SOX5: variants seen among roughly 807,000 people sequenced by gnomAD.
The protein encoded by SOX5 is transcription factor SOX-5.
In SOX5, 9 loss-of-function variants were observed where a neutral mutation model predicts 92.0. The ratio of observed to expected loss-of-function variants is 0.10; its 90% CI spans 0.06 to 0.17. SOX5 has a LOEUF of 0.17. Ranked by LOEUF, SOX5 falls within the 10% of genes least tolerant of loss-of-function variation. The probability of loss-of-function intolerance (pLI) is 1.00; values close to 1 mark genes in which losing one functional copy is unlikely to be tolerated. For synonymous variants in SOX5, 344 were observed against 336.3 expected (o/e 1.02, Z -0.25); for missense variants, 642 against 944.5 (o/e 0.68, Z 4.20).
chr12:24,079,942 CAGG>C (rs1263167173), intron 4 of SOX5, among the ~76,000 whole-genome samples: 1 of 151,866 alleles, frequency 6.6e-6, no homozygotes, highest in Non-Finnish European at 1.5e-5. Flanking sequence ...AATTATTCCA[CAGG>C]AGAACTAAAA....
chr12:23,645,049 C>T (rs1351194403), intron 7 of SOX5, among the ~76,000 whole-genome samples: 1 of 152,122 alleles, frequency 6.6e-6, no homozygotes, highest in Non-Finnish European at 1.5e-5. Flanking sequence ...CAGAATTCTG[C>T]TAGCTGCTCT....
intron 4 of SOX5, among the ~76,000 whole-genome samples, chr12:24,118,498 C>A (rs748694323): frequency 6.6e-6 from 1 of 151,644 alleles, no homozygotes; most frequent in Non-Finnish European, 1.5e-5. Context: ...CAATCATAGA[C>A]GAGAAACTAC....
chr12:24,107,735 G>T (rs562991503), intron 4 of SOX5, among the ~76,000 whole-genome samples: 4 of 152,294 alleles, frequency 2.6e-5, no homozygotes, highest in South Asian at 4.1e-4. Flanking sequence ...GGAGAGAAAA[G>T]AATTGAAAAC....
At chr12:24,080,265 CAT>C (rs1165675933) in intron 4 of SOX5, among the ~76,000 whole-genome samples, 3 of 151,918 alleles carry the variant, frequency 2.0e-5, no homozygotes, top group Middle Eastern at 3.2e-3. Flanking sequence ...GACACAAAAA[CAT>C]GTGAACACTT....
intron 8 of SOX5, among the ~76,000 whole-genome samples, chr12:23,606,656 T>C (rs1253667374): frequency 1.3e-5 from 2 of 152,010 alleles, no homozygotes; most frequent in African/African-American, 4.8e-5. Context: ...CAAAGAAATA[T>C]AAGAACTATT....
At chr12:23,852,663 TA>T in intron 2 of SOX5, among the ~76,000 whole-genome samples, 1 of 152,280 alleles carries the variant, frequency 6.6e-6, no homozygotes, top group South Asian at 2.1e-4. Context: ...GTGTGTTCTT[TA>T]AAAAATGCAT....
chr12:23,731,687 C>A (rs117251948), intron 6 of SOX5, among the ~76,000 whole-genome samples: 1 of 152,240 alleles, frequency 6.6e-6, no homozygotes, highest in Admixed American at 6.6e-5. Context: ...TCTTATCAAT[C>A]GAATTCACAC....
intron 5 of SOX5, among the ~76,000 whole-genome samples, chr12:23,739,778 C>T (rs1248225164): frequency 6.6e-6 from 1 of 152,204 alleles, no homozygotes; most frequent in East Asian, 1.9e-4. Flanking sequence ...TAGATCCCAG[C>T]TCAACTGCCA....
chr12:24,363,586 A>T (rs2136197261), intron 2 of SOX5, among the ~76,000 whole-genome samples: 1 of 152,332 alleles, frequency 6.6e-6, no homozygotes, highest in Non-Finnish European at 1.5e-5. Flanking sequence ...TCTAATTTAT[A>T]AAGTGCCTAT....
chr12:23,712,729 G>A (rs2092165951), intron 6 of SOX5, among the ~76,000 whole-genome samples: 1 of 152,140 alleles, frequency 6.6e-6, no homozygotes, highest in South Asian at 2.1e-4. Context: ...ATAAACCACA[G>A]CTACACTGAA....
At chr12:24,015,998 C>G (rs1397197998) in intron 4 of SOX5, among the ~76,000 whole-genome samples, 2 of 151,916 alleles carry the variant, frequency 1.3e-5, no homozygotes, top group Non-Finnish European at 2.9e-5. Flanking sequence ...TAATAGTAAT[C>G]TCTACCTTAT....
At chr12:24,266,664 A>C (rs934989736) in intron 3 of SOX5, among the ~76,000 whole-genome samples, 10 of 152,220 alleles carry the variant, frequency 6.6e-5, no homozygotes, top group African/African-American at 2.4e-4. Context: ...ATTCATTTGT[A>C]AGCAGTTTAA....
chr12:24,231,719 G>T (rs1360564453), intron 3 of SOX5, among the ~76,000 whole-genome samples: 2 of 152,136 alleles, frequency 1.3e-5, no homozygotes, highest in African/African-American at 2.4e-5. Flanking sequence ...GCATGAAAGG[G>T]CCCACAGTTA....
At chr12:23,770,328 A>G (rs1234033053) in intron 3 of SOX5, among the ~76,000 whole-genome samples, 2 of 152,106 alleles carry the variant, frequency 1.3e-5, no homozygotes, top group Non-Finnish European at 2.9e-5. Context: ...ATTAACAAAA[A>G]GAAAACCCTG....
At chr12:23,761,364 C>A (rs2141335983) in intron 3 of SOX5, among the ~76,000 whole-genome samples, 1 of 152,192 alleles carries the variant, frequency 6.6e-6, no homozygotes, top group Admixed American at 6.6e-5. Flanking sequence ...ATTTATATTT[C>A]CTCTCTACAA....
intron 3 of SOX5, among the ~76,000 whole-genome samples, chr12:23,821,553 T>C (rs2142760314): frequency 6.6e-6 from 1 of 152,292 alleles, no homozygotes; most frequent in Non-Finnish European, 1.5e-5. Context: ...ATATGGGCTG[T>C]GGGTTTGTCA....
At chr12:23,647,761 A>G (rs758396344) in intron 7 of SOX5, among the ~76,000 whole-genome samples, 44 of 152,226 alleles carry the variant, frequency 2.9e-4, no homozygotes, top group Non-Finnish European at 2.5e-4. Context: ...CAGCCTTCGT[A>G]GAATTGAAGA....
chr12:24,467,733 G>A (rs1944377844), intron 1 of SOX5, among the ~76,000 whole-genome samples: 1 of 152,116 alleles, frequency 6.6e-6, no homozygotes, highest in Admixed American at 6.6e-5. Context: ...TTTATATTTT[G>A]GAAAAGTCTC....
intron 3 of SOX5, among the ~76,000 whole-genome samples, chr12:23,803,103 C>T (rs1314844331): frequency 6.6e-6 from 1 of 152,188 alleles, no homozygotes; most frequent in Admixed American, 6.5e-5. Flanking sequence ...TCATGCTTCT[C>T]TAAATTCTCT....
Sources: gnomAD v4.1 joint callset for allele counts (sites outside exome capture counted in the v4.1 genomes callset) on GRCh38, gnomAD v4.1.1 for gene constraint, MANE v1.5 for transcripts, NCBI Gene and HGNC (gene_info 2026-07-23, HGNC 2026-07-21) for gene names.